Variants in FGF14 observed in about 807,000 individuals in gnomAD.
FGF14 encodes fibroblast growth factor homologous factor 4.
Under a neutral mutation model 25.5 loss-of-function variants are expected in FGF14, and 5 were observed. The observed-to-expected ratio is 0.20, with a 90% CI of 0.10 to 0.41. The LOEUF is 0.41. Ranked by LOEUF, FGF14 falls within the 10% of genes least tolerant of loss-of-function variation. The pLI, the probability that FGF14 is intolerant of heterozygous loss-of-function variation, is 1.00. For synonymous variants in FGF14, 138 were observed against 118.3 expected (o/e 1.17, Z -1.08); for missense variants, 222 against 320.1 (o/e 0.69, Z 2.34).
chr13:102,385,633 GTTAT>G (rs1223079966), intron 1 of FGF14, among the ~76,000 whole-genome samples: 1 of 152,066 alleles, frequency 6.6e-6, no homozygotes, highest in Non-Finnish European at 1.5e-5. Flanking sequence ...AACACAAAAA[GTTAT>G]TTTTGTACTG....
At chr13:101,876,141 C>T (rs2045379400) in intron 1 of FGF14, among the ~76,000 whole-genome samples, 1 of 152,144 alleles carries the variant, frequency 6.6e-6, no homozygotes, top group African/African-American at 2.4e-5. Context: ...GGTAATAGAT[C>T]CTCATTTGAT....
chr13:101,916,249 C>T (rs911608530), intron 1 of FGF14, among the ~76,000 whole-genome samples: 3 of 152,242 alleles, frequency 2.0e-5, no homozygotes, highest in Non-Finnish European at 4.4e-5. Flanking sequence ...AACTTGCCAT[C>T]TCTGGCGGCT....
intron 1 of FGF14, among the ~76,000 whole-genome samples, chr13:102,135,067 G>A (rs930743393): frequency 3.3e-5 from 5 of 150,018 alleles, no homozygotes; most frequent in East Asian, 2.0e-4. Flanking sequence ...ACACAAATCC[G>A]CGTGGTGGTG....
chr13:101,882,568 T>C (rs538988145), intron 1 of FGF14, among the ~76,000 whole-genome samples: 29 of 151,982 alleles, frequency 1.9e-4, no homozygotes, highest in African/African-American at 7.0e-4. Context: ...TTTTTATACA[T>C]TTGCTTTAGA....
intron 1 of FGF14, among the ~76,000 whole-genome samples, chr13:102,239,373 T>A (rs2141021614): frequency 6.6e-6 from 1 of 152,314 alleles, no homozygotes; most frequent in East Asian, 1.9e-4. Context: ...TACAGAAAAG[T>A]GTTTCTCAAA....
chr13:101,916,712 G>C lies in FGF14; in HGVS notation c.-67C>G. On this transcript the variant is annotated 5_prime_UTR_variant, in exon 1 of 5. Transcript: ENST00000376143. ...GACGGCGAGCCGGGGGCACCGGAGG[G>C]GAAGGCGGCGGCGCAGACCGTGGCT... is the stretch of plus-strand genomic sequence containing the variant. 1 of 1,368,446 alleles carries C rather than the reference G, an allele frequency of 7.3e-7. No individual in the cohort carries two copies. Among genetic ancestry groups the C allele is most frequent in the Non-Finnish European group, 9.7e-7 (1 of 1,033,010 alleles). 84.8% of individuals were successfully genotyped at this position (1,368,446 alleles called of 1,614,324 possible).
intron 1 of FGF14, among the ~76,000 whole-genome samples, chr13:102,274,491 C>T (rs1384263124): frequency 2.0e-5 from 3 of 152,248 alleles, no homozygotes; most frequent in Middle Eastern, 6.8e-3. Flanking sequence ...AGCAAGGATG[C>T]TGTCTCTTTG....
intron 3 of FGF14, among the ~76,000 whole-genome samples, chr13:101,858,436 G>A (rs1464023257): frequency 6.6e-6 from 1 of 151,900 alleles, no homozygotes; most frequent in Non-Finnish European, 1.5e-5. Flanking sequence ...TGGCATTTAC[G>A]TAATTTGTTG....
intron 1 of FGF14, among the ~76,000 whole-genome samples, chr13:102,029,997 TAAC>T (rs965954008): frequency 3.6e-4 from 55 of 152,064 alleles, no homozygotes; most frequent in African/African-American, 1.3e-3. Context: ...ACAAACAAGT[TAAC>T]AAATACATAA....
At chr13:101,913,839 T>C (rs1433594986) in intron 1 of FGF14, among the ~76,000 whole-genome samples, 2 of 151,908 alleles carry the variant, frequency 1.3e-5, no homozygotes, top group African/African-American at 4.8e-5. Flanking sequence ...TTATCCCAGC[T>C]CTCTTCATGC....
chr13:102,314,266 T>C (rs760572508), intron 1 of FGF14, among the ~76,000 whole-genome samples: 3 of 152,230 alleles, frequency 2.0e-5, no homozygotes, highest in Non-Finnish European at 4.4e-5. Flanking sequence ...TTCACTTGTG[T>C]ATCATCATGT....
At chr13:101,997,058 G>A (rs570911368) in intron 1 of FGF14, among the ~76,000 whole-genome samples, 4 of 152,190 alleles carry the variant, frequency 2.6e-5, no homozygotes, top group Non-Finnish European at 4.4e-5. Context: ...ATTAGCAGTG[G>A]TCGCTCAGCC....
At chr13:102,178,780 ATC>A (rs946282972) in intron 1 of FGF14, among the ~76,000 whole-genome samples, 39 of 152,232 alleles carry the variant, frequency 2.6e-4, no homozygotes, top group African/African-American at 9.1e-4. Context: ...GTATAAATAC[ATC>A]TCACAAAAGT....
At chr13:102,362,248 GC>G (rs2057587559) in intron 1 of FGF14, among the ~76,000 whole-genome samples, 1 of 152,032 alleles carries the variant, frequency 6.6e-6, no homozygotes, top group Admixed American at 6.6e-5. Flanking sequence ...TACTTTACAA[GC>G]TTTCATTCCC....
intron 1 of FGF14, among the ~76,000 whole-genome samples, chr13:102,053,360 GA>G (rs1326259977): frequency 6.6e-6 from 1 of 151,942 alleles, no homozygotes; most frequent in East Asian, 1.9e-4. Flanking sequence ...TTAAGGGATG[GA>G]AAAAAGGATT....
intron 3 of FGF14, among the ~76,000 whole-genome samples, chr13:101,812,493 G>A (rs1180446226): frequency 6.7e-6 from 1 of 149,522 alleles, no homozygotes; most frequent in East Asian, 1.9e-4. Flanking sequence ...TTTATATTTA[G>A]TTGTTGCAGA....
intron 3 of FGF14, among the ~76,000 whole-genome samples, chr13:101,741,625 T>G (rs1281486011): frequency 8.1e-6 from 1 of 122,828 alleles, no homozygotes; most frequent in African/African-American, 2.7e-5. Context: ...TGCTCACATT[T>G]TATTACAGTA....
chr13:102,086,395 T>C (rs542358788), intron 1 of FGF14, among the ~76,000 whole-genome samples: 1 of 151,988 alleles, frequency 6.6e-6, no homozygotes, highest in Admixed American at 6.5e-5. Context: ...CCGGGCGTGG[T>C]GGCGGGCGCA....
Position 101,714,371 on chromosome 13 carries a change from A to T in FGF14, c.*8460T>A. The T allele has an allele frequency of 1.1e-6, 1 of 916,218 alleles. No homozygotes were observed. Among genetic ancestry groups the T allele is most frequent in the South Asian group, 1.3e-5 (1 of 75,652 alleles). 56.8% of individuals were successfully genotyped at this position (916,218 alleles called of 1,614,324 possible). A position where few individuals can be genotyped will look rare whatever the true frequency, so the allele number is the denominator to read the frequency against. ...GAAGCCTGTTGTCAGTGTGTCAACG[A>T]TATTCTATTCGAGATGGAAACCTTT... is the stretch of plus-strand genomic sequence containing the variant. On this transcript the variant is annotated 3_prime_UTR_variant, in exon 5 of 5. Coordinates refer to ENST00000376143, the MANE Select transcript of FGF14 (RefSeq NM_004115.4).
Sources: allele counts gnomAD v4.1 joint callset (sites outside exome capture counted in the v4.1 genomes callset), GRCh38; gene constraint gnomAD v4.1.1; transcripts MANE v1.5; gene names NCBI Gene and HGNC (gene_info 2026-07-23, HGNC 2026-07-21).